Variants in ZCCHC2 observed in about 807,000 individuals in gnomAD.
The protein encoded by ZCCHC2 is zinc finger CCHC-type containing 2, also known as zinc finger CCHC domain-containing protein 2.
A neutral mutation model predicts 103.6 loss-of-function variants in ZCCHC2; 39 were observed. The ratio of observed to expected loss-of-function variants is 0.38; its 90% confidence interval spans 0.29 to 0.49. The LOEUF (loss-of-function observed/expected upper bound fraction) is 0.49. ZCCHC2 is among the 20% of genes least tolerant of loss of function. The probability of loss-of-function intolerance (pLI) is 0.96; values close to 1 mark genes in which losing one functional copy is unlikely to be tolerated. For synonymous variants in ZCCHC2, 687 were observed against 608.9 expected, an observed-to-expected ratio of 1.13 and a Z score of -1.89; for missense variants, 1,483 against 1,491.0, an observed-to-expected ratio of 0.99 and a Z score of 0.09.
chr18:62,525,059 CTT>C (rs71893506), intron 1 of ZCCHC2: 1 of 151,978 alleles, frequency 6.6e-6, no homozygotes, highest in African/African-American at 2.4e-5. Context: ...GGAGAGAAAC[CTT>C]TTCTAGCGCG....
Position 62,574,941 on chromosome 18 carries a change from C to A in ZCCHC2, c.2860C>A (p.Gln954Lys). ...QPASAGISQA[Q>K]ATVPPAVPTH... is the part of the protein sequence containing the mutation. ...AGCGAGCGCAGGTATCAGCCAGGCCCAGGCAACTGTTCCTCCTGCAGTTCC... is the reference window on the plus strand; with the variant it reads ...AGCGAGCGCAGGTATCAGCCAGGCCAAGGCAACTGTTCCTCCTGCAGTTCC... The change falls in exon 13 of 14, where the codon CAG becomes AAG. Residue 954 changes from glutamine to lysine, a missense_variant. By Grantham distance (53) the Gln-to-Lys change is moderately conservative. Transcript: ENST00000269499. 1.2e-6 allele frequency: 2 copies of A among 1,613,896 alleles called. No homozygotes were observed. Among genetic ancestry groups the A allele is most frequent in the South Asian group, 1.1e-5 (1 of 91,090 alleles).
At position 62,574,377 on chromosome 18, in the gene ZCCHC2, A is replaced by G. The variant is rs1319910739; in HGVS notation, c.2296A>G (p.Asn766Asp). ...TATTTCTGCAATAAGGGAGTCTGCA[A>G]ATTCAACCCCTGTTGGAATACTAGG... ...VAISAIRESA[N>D]STPVGILGPT... Residue 766 changes from asparagine (N) to aspartate (D), a missense_variant, in exon 13 of 14, where the codon AAT becomes GAT. Physicochemically the swap from Asn to Asp is conservative, Grantham distance 23. This residue lies in a region of ZCCHC2 where 884 missense variants were observed against 907.5 expected (regional missense o/e 0.97). Transcript: ENST00000269499. 8 of 1,613,884 alleles carry G rather than the reference A, an allele frequency of 5.0e-6. No individual in the cohort carries two copies. The highest frequency in any genetic ancestry group is 1.1e-5 in the South Asian group (1 of 91,092).
At chr18:62,525,115 G>A (rs1382858568) in intron 1 of ZCCHC2, 3 of 152,184 alleles carry the variant, frequency 2.0e-5, no homozygotes, top group Non-Finnish European at 4.4e-5. Context: ...TTTCTCACGG[G>A]CTTGATTCCT....
chr18:62,524,231 C>T lies in ZCCHC2; in HGVS notation c.807C>T (p.His269=), dbSNP rs944313589. Residue 269 remains histidine, a synonymous_variant, in exon 1 of 14, where the codon CAC becomes CAT. Transcript: ENST00000269499. ...TGCTCTTCACCATGGCCTCGCTGCA[C>T]CCGGCTTTCTCCTTCCACCAGCGGG... ...LLLLFTMASL[H]PAFSFHQRVT... 40 of 1,550,102 alleles carry T rather than the reference C, an allele frequency of 2.6e-5. No homozygotes were observed. The highest frequency in any genetic ancestry group is 5.5e-5 in the African/African-American group (4 of 73,068).
intron 11 of ZCCHC2, among the ~76,000 whole-genome samples, chr18:62,566,891 C>A (rs185805682): frequency 9.2e-5 from 14 of 152,318 alleles, no homozygotes; most frequent in Admixed American, 9.1e-4. Flanking sequence ...AATTTAGTTC[C>A]TTTTCCTTGT....
intron 3 of ZCCHC2, 64 bp from the exon 4 acceptor site, chr18:62,544,738 C>A: frequency 7.1e-7 from 1 of 1,409,690 alleles, no homozygotes; most frequent in East Asian, 2.6e-5. Context: ...TTGCACATGG[C>A]TTTTTTCTAG....
At chr18:62,524,974 C>T (rs1299199141) in intron 1 of ZCCHC2, 1 of 152,498 alleles carries the variant, frequency 6.6e-6, no homozygotes, top group Non-Finnish European at 1.5e-5. Context: ...GCTCTGAGGG[C>T]TTGTGTTCCC....
chr18:62,575,258 C>T lies in ZCCHC2; in HGVS notation c.3177C>T (p.Tyr1059=). The change falls in exon 13 of 14, where the codon TAC becomes TAT. Residue 1059 remains tyrosine, a synonymous_variant. Transcript: ENST00000269499. ...TGCCATCCATTTGCAATGGCAGCTA[C>T]CTCAACCAAGCACATCAGAGCAATG... ...FTLPSICNGS[Y]LNQAHQSNGN... 1 of 1,614,012 alleles carries T rather than the reference C, an allele frequency of 6.2e-7. No homozygotes were observed. Among genetic ancestry groups the T allele is most frequent in the Non-Finnish European group, 8.5e-7 (1 of 1,179,884 alleles).
intron 2 of ZCCHC2, among the ~76,000 whole-genome samples, chr18:62,540,414 G>A (rs1915119975): frequency 6.7e-6 from 1 of 148,742 alleles, no homozygotes; most frequent in Non-Finnish European, 1.5e-5. Flanking sequence ...TAACAATTTT[G>A]AATTTATGTC....
chr18:62,562,057 C>T lies in ZCCHC2; in HGVS notation c.1551-952C>T, dbSNP rs556104640. The stretch of plus-strand genomic sequence containing the variant: ...TGTCACCCAGGCTGGAGTGCAGTGG[C>T]GCAGTCTCAGCTCGCTGCAACCTCT... On this transcript the variant is annotated intron_variant, in intron 8 of 13. Transcript: ENST00000269499. 3.9e-5 allele frequency among the ~76,000 whole-genome samples: 6 copies of T among 152,136 alleles called. No homozygotes were observed. The East Asian group carries it at 7.7e-4, about 20-fold the overall frequency.
intron 1 of ZCCHC2, among the ~76,000 whole-genome samples, chr18:62,532,313 C>T (rs532385925): frequency 5.7e-4 from 87 of 152,332 alleles, no homozygotes; most frequent in Non-Finnish European, 8.7e-4. Flanking sequence ...CGTCTTCTCC[C>T]ATCACATCCT....
chr18:62,554,161 C>T (rs1211445687), intron 5 of ZCCHC2, among the ~76,000 whole-genome samples: 1 of 152,162 alleles, frequency 6.6e-6, no homozygotes, highest in Non-Finnish European at 1.5e-5. Context: ...GTGGCCTCAA[C>T]ACCATTAATA....
intron 11 of ZCCHC2, among the ~76,000 whole-genome samples, chr18:62,568,783 A>G (rs1414669235): frequency 6.6e-6 from 1 of 152,178 alleles, no homozygotes; most frequent in Non-Finnish European, 1.5e-5. Flanking sequence ...ATTTTGTTAT[A>G]TGCTGGTTGA....
At chr18:62,556,336 T>C in intron 6 of ZCCHC2, 39 bp downstream of exon 6, 1 of 1,472,760 alleles carries the variant, frequency 6.8e-7, no homozygotes, top group Non-Finnish European at 9.2e-7. Flanking sequence ...TCTTTTTTCT[T>C]TGTTGGATTT....
chr18:62,540,582 C>T (rs1055098345), intron 2 of ZCCHC2, among the ~76,000 whole-genome samples: 2 of 152,032 alleles, frequency 1.3e-5, no homozygotes, highest in Admixed American at 1.3e-4. Context: ...CTCCTATCTT[C>T]CCAACTAAAG....
At position 62,574,659 on chromosome 18, in the gene ZCCHC2, T is replaced by C. The variant is rs780553583; in HGVS notation, c.2578T>C (p.Ser860Pro). The change falls in exon 13 of 14, where the codon TCT (serine) becomes CCT (proline). Residue 860 changes from serine (S) to proline (P), a missense_variant. Coordinates refer to ENST00000269499, the MANE Select transcript of ZCCHC2 (RefSeq NM_017742.6). ...CCATAACCCAGGTAGTTTCCCAGGC[T>C]CTCCTGTTGCTACCACGGACCCCAT... ...PIHNPGSFPG[S>P]PVATTDPITK... 1.2e-6 allele frequency: 2 copies of C among 1,613,722 alleles called. No individual in the cohort carries two copies. Among genetic ancestry groups the C allele is most frequent in the Non-Finnish European group, 1.7e-6 (2 of 1,179,876 alleles).
chr18:62,534,311 T>A (rs1296634837), intron 1 of ZCCHC2, among the ~76,000 whole-genome samples: 1 of 143,880 alleles, frequency 7.0e-6, no homozygotes. Context: ...GATCCTGTCT[T>A]AAAAAAAAAA....
chr18:62,548,421 T>G (rs531394775), intron 4 of ZCCHC2, among the ~76,000 whole-genome samples: 7 of 152,230 alleles, frequency 4.6e-5, no homozygotes, highest in African/African-American at 1.7e-4. Context: ...TCAATAGTTA[T>G]ACGCTGTTGC....
rs951603607 is a variant in ZCCHC2, at chr18:62,577,404, C to G, written c.*825C>G. 6 of 152,234 alleles carry G rather than the reference C, an allele frequency of 3.9e-5. No homozygotes were observed. Among genetic ancestry groups the G allele is most frequent in the African/African-American group, 1.4e-4 (6 of 41,450 alleles). 9.4% of individuals were successfully genotyped at this position (152,234 alleles called of 1,614,324 possible). A position where few individuals can be genotyped will look rare whatever the true frequency, so the allele number is the denominator to read the frequency against. On this transcript the variant is annotated 3_prime_UTR_variant, in exon 14 of 14. Coordinates refer to ENST00000269499, the MANE Select transcript of ZCCHC2 (RefSeq NM_017742.6). The stretch of plus-strand genomic sequence containing the variant: ...AACACACTGGTGTGAATGTCGCTCT[C>G]TGTGTGCTTGTGTTTGTAATGAAAG...
Sources: allele counts gnomAD v4.1 joint callset (sites outside exome capture counted in the v4.1 genomes callset), GRCh38; gene constraint gnomAD v4.1.1; regional missense constraint gnomAD v4.1.1; transcripts MANE v1.5; gene names NCBI Gene and HGNC (gene_info 2026-07-23, HGNC 2026-07-21).